The following EYS variants were observed in gnomAD, a reference collection of about 807,000 sequenced individuals.
EYS encodes the protein EGF-like photoreceptor maintenance factor, also known as protein eyes shut homolog.
Under a neutral mutation model 282.1 loss-of-function variants are expected in EYS, and 250 were observed. That is an observed-to-expected ratio of 0.89 (90% CI 0.80 to 0.98). EYS has a LOEUF of 0.98. EYS is among the 50% of genes least tolerant of loss of function. The pLI is 0.00. For synonymous variants in EYS, 1,355 were observed against 1,282.9 expected, an observed-to-expected ratio of 1.06 and a Z score of -1.20; for missense variants, 4,016 against 3,709.0, an observed-to-expected ratio of 1.08 and a Z score of -2.15.
chr6:65,520,581 T>C (rs1393853169), intron 2 of EYS, among the ~76,000 whole-genome samples: 2 of 151,910 alleles, frequency 1.3e-5, no homozygotes, highest in Non-Finnish European at 2.9e-5. Context: ...TACACATATG[T>C]ATCATTTATG....
chr6:64,974,496 A>G (rs1437005198), intron 14 of EYS, among the ~76,000 whole-genome samples: 1 of 151,736 alleles, frequency 6.6e-6, no homozygotes, highest in Non-Finnish European at 1.5e-5. Context: ...CCCCATCAGG[A>G]AGGATAATTA....
At position 64,774,887 on chromosome 6, in the gene EYS, C is replaced by T. The variant is rs570519823; in HGVS notation, c.3443+38491G>A. Among the ~76,000 whole-genome samples the T allele has an allele frequency of 2.8e-4, 43 of 152,082 alleles. 1 individual carries two copies. The highest frequency in any genetic ancestry group is 1.0e-3 in the African/African-American group (43 of 41,524). The stretch of plus-strand genomic sequence containing the variant: ...TTGACATGCTTAAATCTAATTCTTT[C>T]TTCTGGCACTAAATTAGAGTGCTAT... On this transcript the variant is annotated intron_variant, in intron 22 of 42. Coordinates refer to ENST00000503581, the MANE Select transcript of EYS (RefSeq NM_001142800.2).
chr6:64,252,971 G>C (rs1256044541), intron 30 of EYS, among the ~76,000 whole-genome samples: 1 of 152,058 alleles, frequency 6.6e-6, no homozygotes, highest in Non-Finnish European at 1.5e-5. Flanking sequence ...AATAGTTGCA[G>C]AGTAGTTAAA....
chr6:65,366,858 ACCTT>A (rs1764931614), intron 8 of EYS, among the ~76,000 whole-genome samples: 1 of 151,530 alleles, frequency 6.6e-6, no homozygotes, highest in East Asian at 1.9e-4. Context: ...TTTGGCTTGT[ACCTT>A]CCTTCCTTCA....
intron 31 of EYS, among the ~76,000 whole-genome samples, chr6:64,212,761 A>G (rs987641682): frequency 1.3e-5 from 2 of 152,170 alleles, no homozygotes; most frequent in African/African-American, 4.8e-5. Flanking sequence ...ATTACTGGGT[A>G]TATACCCAAA....
chr6:65,478,235 T>G (rs567684801), intron 5 of EYS, among the ~76,000 whole-genome samples: 1 of 152,234 alleles, frequency 6.6e-6, no homozygotes, highest in East Asian at 1.9e-4. Context: ...TATGGCTTGT[T>G]TATGACACAA....
intron 30 of EYS, among the ~76,000 whole-genome samples, chr6:64,259,648 G>GCGCGCA (rs1562276200): frequency 1.6e-5 from 1 of 63,248 alleles, no homozygotes; most frequent in Non-Finnish European, 3.4e-5. Flanking sequence ...TTTTACACAC[G>GCGCGCA]CGCACACACA....
chr6:63,815,307 A>G (rs538523924), intron 36 of EYS, among the ~76,000 whole-genome samples: 1 of 152,316 alleles, frequency 6.6e-6, no homozygotes, highest in Admixed American at 6.5e-5. Flanking sequence ...AGAGATGTTA[A>G]GTCACAGAGC....
At chr6:65,310,370 T>C (rs980270616) in intron 11 of EYS, among the ~76,000 whole-genome samples, 4 of 151,964 alleles carry the variant, frequency 2.6e-5, no homozygotes, top group African/African-American at 9.7e-5. Context: ...TATCTATCTA[T>C]AGATATAGAT....
chr6:63,953,277 G>T (rs1464342420), intron 35 of EYS, among the ~76,000 whole-genome samples: 1 of 152,122 alleles, frequency 6.6e-6, no homozygotes, highest in African/African-American at 2.4e-5. Context: ...CTTCAGTAAA[G>T]CCCTTTCTCA....
chr6:63,969,847 CTCT>C (rs1485607494), intron 35 of EYS, among the ~76,000 whole-genome samples: 3 of 152,224 alleles, frequency 2.0e-5, no homozygotes, highest in Non-Finnish European at 4.4e-5. Flanking sequence ...TAGTCTCTCT[CTCT>C]CTTGCAAGCT....
At chr6:64,856,150 T>C (rs1013402657) in intron 19 of EYS, among the ~76,000 whole-genome samples, 1 of 152,090 alleles carries the variant, frequency 6.6e-6, no homozygotes, top group Admixed American at 6.6e-5. Flanking sequence ...TTGGACTGTA[T>C]GGTAAAATTA....
At chr6:65,471,673 T>G (rs893882455) in intron 5 of EYS, among the ~76,000 whole-genome samples, 1 of 152,102 alleles carries the variant, frequency 6.6e-6, no homozygotes, top group Non-Finnish European at 1.5e-5. Flanking sequence ...TACTGTAAAA[T>G]AAATGATATG....
chr6:63,963,754 G>C (rs924013626), intron 35 of EYS, among the ~76,000 whole-genome samples: 1 of 152,174 alleles, frequency 6.6e-6, no homozygotes, highest in Non-Finnish European at 1.5e-5. Flanking sequence ...TATACCATTG[G>C]AGAATATTTT....
intron 31 of EYS, among the ~76,000 whole-genome samples, chr6:64,179,863 CAG>C (rs1764739963): frequency 6.6e-6 from 1 of 151,998 alleles, no homozygotes; most frequent in African/African-American, 2.4e-5. Flanking sequence ...ACATTACAGA[CAG>C]TGAATTAAGC....
chr6:64,699,082 C>A (rs991926845), intron 22 of EYS, among the ~76,000 whole-genome samples: 1 of 152,196 alleles, frequency 6.6e-6, no homozygotes, highest in Non-Finnish European at 1.5e-5. Context: ...AAATGCCCAT[C>A]AATGACAGAT....
At chr6:64,093,173 G>C (rs984861036) in intron 31 of EYS, among the ~76,000 whole-genome samples, 4 of 152,042 alleles carry the variant, frequency 2.6e-5, no homozygotes, top group Non-Finnish European at 5.9e-5. Context: ...AGGATAGTTT[G>C]AAGTCAGGTA....
intron 19 of EYS, among the ~76,000 whole-genome samples, chr6:64,844,757 T>C (rs1025636095): frequency 6.6e-6 from 1 of 152,164 alleles, no homozygotes; most frequent in Non-Finnish European, 1.5e-5. Flanking sequence ...AACAAAATCA[T>C]TTAACATTAT....
intron 24 of EYS, among the ~76,000 whole-genome samples, chr6:64,595,746 C>T (rs1375646600): frequency 1.3e-5 from 2 of 152,048 alleles, no homozygotes; most frequent in African/African-American, 2.4e-5. Flanking sequence ...GAAAAATCTG[C>T]AAGGAAAACT....
Sources: gnomAD v4.1 joint callset for allele counts (sites outside exome capture counted in the v4.1 genomes callset) on GRCh38, gnomAD v4.1.1 for gene constraint, MANE v1.5 for transcripts, NCBI Gene and HGNC (gene_info 2026-07-23, HGNC 2026-07-21) for gene names.